MOB1B: variants seen among roughly 807,000 people sequenced by gnomAD.
The protein encoded by MOB1B is MOB kinase activator 1B.
A neutral mutation model predicts 24.4 loss-of-function variants in MOB1B; 19 were observed. That is an observed-to-expected ratio of 0.78 (90% CI 0.54 to 1.14). MOB1B has a LOEUF of 1.14. Among genes scored for constraint, MOB1B ranks in the 50% most tolerant of loss-of-function variants. The pLI is 0.00. For synonymous variants in MOB1B, 76 were observed against 82.1 expected, an observed-to-expected ratio of 0.93 and a Z score of 0.40; for missense variants, 243 against 259.6, an observed-to-expected ratio of 0.94 and a Z score of 0.44.
intron 2 of MOB1B, among the ~76,000 whole-genome samples, chr4:70,965,796 C>CACA (rs1738501691): frequency 7.0e-5 from 2 of 28,704 alleles, no homozygotes; most frequent in Admixed American, 9.6e-4. Flanking sequence ...GACTCCGTCT[C>CACA]AAAAAAAAAA....
At chr4:70,940,093 C>T (rs552576839) in intron 1 of MOB1B, among the ~76,000 whole-genome samples, 7 of 151,458 alleles carry the variant, frequency 4.6e-5, no homozygotes, top group Non-Finnish European at 8.8e-5. Flanking sequence ...GACCTCCAGC[C>T]GCTTTTGTCT....
Position 70,906,898 on chromosome 4 carries a change from A to G in MOB1B, c.14+4348A>G, listed in dbSNP as rs190994816. Among the ~76,000 whole-genome samples the G allele has an allele frequency of 5.9e-5, 9 of 152,320 alleles. No individual in the cohort carries two copies. In the East Asian group the frequency reaches 1.3e-3, roughly 23 times the overall value. On this transcript the variant is annotated intron_variant, in intron 1 of 5. Transcript: ENST00000309395. ...AGAGATTCCAGAGATGGTGGATGGTATATCGTCATCTATGATAGATGCAAT... is the reference window on the plus strand; with the variant it reads ...AGAGATTCCAGAGATGGTGGATGGTGTATCGTCATCTATGATAGATGCAAT...
chr4:70,965,572 T>C (rs1032685715), intron 2 of MOB1B, among the ~76,000 whole-genome samples: 1 of 149,468 alleles, frequency 6.7e-6, no homozygotes, highest in Non-Finnish European at 1.5e-5. Flanking sequence ...CTGAGGCGGG[T>C]GGATCACGAG....
chr4:70,956,164 AC>A, intron 1 of MOB1B, among the ~76,000 whole-genome samples: 1 of 152,220 alleles, frequency 6.6e-6, no homozygotes, highest in Non-Finnish European at 1.5e-5. Context: ...CTAATATTTG[AC>A]CTTTGGATTT....
chr4:70,968,299 T>G, intron 2 of MOB1B, among the ~76,000 whole-genome samples: 1 of 152,194 alleles, frequency 6.6e-6, no homozygotes, highest in Non-Finnish European at 1.5e-5. Flanking sequence ...GAGTCAAATT[T>G]TATTTGATTT....
At chr4:70,971,737 G>A (rs928951414) in intron 3 of MOB1B, among the ~76,000 whole-genome samples, 1 of 152,084 alleles carries the variant, frequency 6.6e-6, no homozygotes, top group African/African-American at 2.4e-5. Context: ...TCTATTCTGT[G>A]GTTAGTTATG....
At chr4:70,973,033 A>G (rs573751311) in intron 3 of MOB1B, among the ~76,000 whole-genome samples, 9 of 152,256 alleles carry the variant, frequency 5.9e-5, no homozygotes, top group Admixed American at 2.6e-4. Context: ...TCGGCCTCCC[A>G]AAGTGCTGGC....
At chr4:70,967,749 A>T (rs187224857) in intron 2 of MOB1B, among the ~76,000 whole-genome samples, 4 of 152,216 alleles carry the variant, frequency 2.6e-5, no homozygotes, top group Non-Finnish European at 5.9e-5. Context: ...AGCATCAAAA[A>T]TATCAACCTA....
At chr4:70,957,666 C>G (rs560047810) in intron 1 of MOB1B, among the ~76,000 whole-genome samples, 289 of 151,912 alleles carry the variant, frequency 1.9e-3, no homozygotes, top group African/African-American at 6.7e-3. Context: ...TGGTCTCGAA[C>G]TCCTGGCCTG....
chr4:70,934,166 C>T (rs2148880860), intron 1 of MOB1B, among the ~76,000 whole-genome samples: 1 of 152,256 alleles, frequency 6.6e-6, no homozygotes, highest in South Asian at 2.1e-4. Flanking sequence ...CTCACTACAA[C>T]CTCTGCATCC....
At chr4:70,950,639 C>T (rs913212600) in intron 1 of MOB1B, 25 of 787,602 alleles carry the variant, frequency 3.2e-5, no homozygotes, top group Middle Eastern at 2.4e-4. Context: ...AAAATAGTTG[C>T]GAGTACAAAG....
chr4:70,902,330 C>T (rs1267010994), upstream of MOB1B: 4 of 654,692 alleles, frequency 6.1e-6, no homozygotes, highest in Admixed American at 4.3e-5. Context: ...TGGAGTGATT[C>T]AAGACGAGCG....
chr4:70,934,862 C>T (rs551573746), intron 1 of MOB1B, among the ~76,000 whole-genome samples: 4 of 151,904 alleles, frequency 2.6e-5, no homozygotes, highest in Non-Finnish European at 5.9e-5. Context: ...CAAATACTCC[C>T]CCAGTTAACC....
At chr4:70,961,181 A>G (rs1276867359) in intron 2 of MOB1B, among the ~76,000 whole-genome samples, 1 of 152,352 alleles carries the variant, frequency 6.6e-6, no homozygotes, top group South Asian at 2.1e-4. Context: ...ATAAAATAGA[A>G]CAATTACAGT....
At position 70,907,116 on chromosome 4, in the gene MOB1B, G is replaced by A. The variant is rs557042633; in HGVS notation, c.14+4566G>A. Among the ~76,000 whole-genome samples the A allele has an allele frequency of 5.6e-4, 86 of 152,278 alleles. 1 individual carries two copies. The highest frequency in any genetic ancestry group is 4.4e-3 in the Admixed American group (67 of 15,300). On this transcript the variant is annotated intron_variant, in intron 1 of 5. Transcript: ENST00000309395. ...TTGCCTGTGAATTGTTCACTTCCAC[G>A]TTTGTGCAAGAGGCTGTAGAATTTT...
At chr4:70,953,191 A>ATC in intron 1 of MOB1B, among the ~76,000 whole-genome samples, 1 of 151,900 alleles carries the variant, frequency 6.6e-6, no homozygotes, top group East Asian at 1.9e-4. Context: ...TGCCCGCCTC[A>ATC]TCCTCCCAAA....
intron 2 of MOB1B, among the ~76,000 whole-genome samples, chr4:70,965,312 A>C (rs1738472521): frequency 6.6e-6 from 1 of 150,444 alleles, no homozygotes; most frequent in Non-Finnish European, 1.5e-5. Context: ...AAAAAAAAAA[A>C]AAAAAAAAGT....
chr4:70,960,630 G>A (rs1405033522), intron 2 of MOB1B, among the ~76,000 whole-genome samples: 1 of 152,028 alleles, frequency 6.6e-6, no homozygotes, highest in Non-Finnish European at 1.5e-5. Context: ...TTACACAAGA[G>A]CCATGTTATT....
At chr4:70,967,697 A>G (rs1198660032) in intron 2 of MOB1B, among the ~76,000 whole-genome samples, 1 of 152,096 alleles carries the variant, frequency 6.6e-6, no homozygotes, top group Non-Finnish European at 1.5e-5. Flanking sequence ...ATAGAGGCCA[A>G]AAAAAGAAAA....
Sources: gnomAD v4.1 joint callset for allele counts (sites outside exome capture counted in the v4.1 genomes callset) on GRCh38, gnomAD v4.1.1 for gene constraint, MANE v1.5 for transcripts, NCBI Gene and HGNC (gene_info 2026-07-23, HGNC 2026-07-21) for gene names.